FAM184A: variants seen among roughly 807,000 people sequenced by gnomAD.
FAM184A encodes the protein family with sequence similarity 184 member A, also known as protein FAM184A.
Under a neutral mutation model 143.8 loss-of-function variants are expected in FAM184A, and 99 were observed. That is an observed-to-expected ratio of 0.69 (90% CI 0.58 to 0.81). FAM184A has a LOEUF of 0.81. Among genes scored for constraint, FAM184A ranks in the 40% least tolerant of loss-of-function variants. The probability of loss-of-function intolerance (pLI) is 0.00; values close to 1 mark genes in which losing one functional copy is unlikely to be tolerated. For synonymous variants in FAM184A, 427 were observed against 446.4 expected (o/e 0.96, Z 0.55); for missense variants, 1,217 against 1,310.5 (o/e 0.93, Z 1.10).
At chr6:118,967,890 A>C (rs1783549824) in intron 14 of FAM184A, among the ~76,000 whole-genome samples, 1 of 152,234 alleles carries the variant, frequency 6.6e-6, no homozygotes, top group African/African-American at 2.4e-5. Context: ...AGTAACTTGT[A>C]GATGATCTAT....
intron 5 of FAM184A, 66 bp from the exon 6 acceptor site, chr6:119,011,497 G>GA: frequency 1.0e-6 from 1 of 972,752 alleles, no homozygotes; most frequent in South Asian, 1.6e-5. Context: ...AAGACTCTAA[G>GA]AAAAAGACTA....
intron 1 of FAM184A, among the ~76,000 whole-genome samples, chr6:119,111,396 A>G (rs968100825): frequency 6.6e-6 from 1 of 152,216 alleles, no homozygotes; most frequent in African/African-American, 2.4e-5. Context: ...TAATGGATAC[A>G]GAGTTTCAGT....
intron 1 of FAM184A, among the ~76,000 whole-genome samples, chr6:119,128,196 C>G (rs1246868168): frequency 6.6e-6 from 1 of 152,158 alleles, no homozygotes; most frequent in Non-Finnish European, 1.5e-5. Context: ...CCCTGGAAAA[C>G]CAGACATGAG....
chr6:119,021,010 T>C (rs1785426614), intron 3 of FAM184A, among the ~76,000 whole-genome samples: 1 of 152,226 alleles, frequency 6.6e-6, no homozygotes, highest in Non-Finnish European at 1.5e-5. Flanking sequence ...AAAGGTCTCA[T>C]AGAAAGGATA....
At chr6:118,983,221 CAATA>C (rs1300811726) in intron 9 of FAM184A, among the ~76,000 whole-genome samples, 32 of 152,144 alleles carry the variant, frequency 2.1e-4, no homozygotes, top group African/African-American at 7.7e-4. Context: ...AGCAGAATTG[CAATA>C]AATAGCTTTT....
At chr6:119,062,354 T>A (rs143746350) in intron 1 of FAM184A, among the ~76,000 whole-genome samples, 2 of 152,190 alleles carry the variant, frequency 1.3e-5, no homozygotes, top group African/African-American at 4.8e-5. Flanking sequence ...TGTAACCAGG[T>A]ACACAGGGCA....
chr6:119,095,459 A>G (rs2114826058), intron 1 of FAM184A, among the ~76,000 whole-genome samples: 1 of 152,354 alleles, frequency 6.6e-6, no homozygotes, highest in East Asian at 1.9e-4. Flanking sequence ...TCCAGTGGCC[A>G]GAGACAGAAT....
chr6:118,975,213 T>TAAAA lies in FAM184A; in HGVS notation c.2584-9_2584-6dup. 7.8e-7 allele frequency: 1 copy of TAAAA among 1,283,914 alleles called. No individual in the cohort carries two copies. The highest frequency in any genetic ancestry group is 1.0e-6 in the Non-Finnish European group (1 of 958,044). 79.5% of individuals were successfully genotyped at this position (1,283,914 alleles called of 1,614,324 possible). A position where few individuals can be genotyped will look rare whatever the true frequency, so the allele number is the denominator to read the frequency against. On this transcript the variant is annotated splice_polypyrimidine_tract_variant and splice_region_variant and intron_variant, in intron 12 of 17. Transcript: ENST00000338891. ...TCTACATATGTGCTCCTTACTCTGT[T>TAAAA]AAAAAAAAAAAGTCATTTTTAGAAG...
At chr6:119,038,929 C>CA (rs1786214307) in intron 1 of FAM184A, among the ~76,000 whole-genome samples, 1 of 152,098 alleles carries the variant, frequency 6.6e-6, no homozygotes, top group East Asian at 1.9e-4. Context: ...AGGACTTAAC[C>CA]AAAATGTACA....
At chr6:119,076,685 G>A (rs1454621331) in intron 1 of FAM184A, among the ~76,000 whole-genome samples, 2 of 152,158 alleles carry the variant, frequency 1.3e-5, no homozygotes, top group African/African-American at 4.8e-5. Flanking sequence ...TGGATGTTAT[G>A]GACACATCAT....
chr6:118,969,219 T>G (rs978017692), intron 14 of FAM184A, among the ~76,000 whole-genome samples: 2 of 152,224 alleles, frequency 1.3e-5, no homozygotes, highest in African/African-American at 2.4e-5. Flanking sequence ...TCTCCAGCCA[T>G]GCTGAACTGT....
At chr6:119,010,543 T>A (rs999088376) in intron 6 of FAM184A, among the ~76,000 whole-genome samples, 1 of 152,210 alleles carries the variant, frequency 6.6e-6, no homozygotes, top group African/African-American at 2.4e-5. Context: ...ATTTTTCTTA[T>A]TGTTTTGTAA....
In FAM184A at chr6:118,964,741, C is replaced by G; in HGVS notation, c.3064G>C (p.Val1022Leu). The G allele has an allele frequency of 6.2e-7, 1 of 1,603,512 alleles. No homozygotes were observed. Among genetic ancestry groups the G allele is most frequent in the South Asian group, 1.1e-5 (1 of 90,456 alleles). ...TTGTTGAAGTTAGTTTCTCGATTGACTAATTCCAGCTGATAAAACTTATTA... is the reference window on the plus strand; with the variant it reads ...TTGTTGAAGTTAGTTTCTCGATTGAGTAATTCCAGCTGATAAAACTTATTA... ...EDNKFYQLEL[V>L]NRETNFNKVF... The change falls in exon 16 of 18, where the codon GTC (valine) becomes CTC (leucine). Residue 1022 changes from valine to leucine, a missense_variant. Val to Leu is a conservative substitution (Grantham distance 32, BLOSUM62 1). Transcript: ENST00000338891.
At chr6:119,088,532 T>C (rs752192545) in intron 1 of FAM184A, among the ~76,000 whole-genome samples, 29 of 152,202 alleles carry the variant, frequency 1.9e-4, no homozygotes, top group Non-Finnish European at 3.7e-4. Flanking sequence ...AGAAGAATCA[T>C]AGAGACCAAG....
intron 1 of FAM184A, among the ~76,000 whole-genome samples, chr6:119,039,976 AC>A (rs1362781882): frequency 6.6e-6 from 1 of 152,224 alleles, no homozygotes; most frequent in Non-Finnish European, 1.5e-5. Flanking sequence ...CGTGCTCTGC[AC>A]ATGCAGGCAG....
intron 1 of FAM184A, among the ~76,000 whole-genome samples, chr6:119,034,039 TATAGAGAGAGAGAGAGAGAG>T (rs1301061807): frequency 3.0e-4 from 9 of 30,276 alleles, no homozygotes; most frequent in Admixed American, 1.3e-3. Flanking sequence ...TATATATATA[TATAGAGAGAGAGAGAGAGAG>T]AGAGAGAGAG....
upstream of FAM184A, among the ~76,000 whole-genome samples, chr6:119,080,683 A>C (rs1788037622): frequency 6.6e-6 from 1 of 152,202 alleles, no homozygotes; most frequent in Non-Finnish European, 1.5e-5. Context: ...AAATCCAAAA[A>C]TCTGAAATCC....
chr6:119,038,947 C>G (rs1361916168), intron 1 of FAM184A, among the ~76,000 whole-genome samples: 1 of 152,110 alleles, frequency 6.6e-6, no homozygotes, highest in Admixed American at 6.5e-5. Context: ...ACAAAGAACA[C>G]TTACAACTCA....
chr6:119,045,638 G>C (rs1482980309), intron 1 of FAM184A, among the ~76,000 whole-genome samples: 3 of 152,154 alleles, frequency 2.0e-5, no homozygotes, highest in African/African-American at 7.2e-5. Flanking sequence ...GGCGAGACCA[G>C]ACTGCCTGCC....
Sources: gnomAD v4.1 joint callset for allele counts (sites outside exome capture counted in the v4.1 genomes callset) on GRCh38, gnomAD v4.1.1 for gene constraint, MANE v1.5 for transcripts, NCBI Gene and HGNC (gene_info 2026-07-23, HGNC 2026-07-21) for gene names.